KMT2C: variants seen among roughly 807,000 people sequenced by gnomAD.
The protein encoded by KMT2C is histone-lysine N-methyltransferase 2C.
In KMT2C, 88 loss-of-function variants were observed where a neutral mutation model predicts 507.9. The observed-to-expected ratio is 0.17, with a 90% CI of 0.15 to 0.21. The LOEUF (loss-of-function observed/expected upper bound fraction) is 0.21, where lower values mean the gene tolerates loss of function less well. Ranked by LOEUF, KMT2C falls within the 10% of genes least tolerant of loss-of-function variation. The probability of loss-of-function intolerance (pLI) is 1.00; values close to 1 mark genes in which losing one functional copy is unlikely to be tolerated. For synonymous variants in KMT2C, 2,049 were observed against 2,080.8 expected (o/e 0.98, Z 0.42); for missense variants, 4,954 against 5,957.8 (o/e 0.83, Z 5.55).
intron 23 of KMT2C, among the ~76,000 whole-genome samples, chr7:152,213,015 T>C (rs1187110981): frequency 6.6e-6 from 1 of 152,254 alleles, no homozygotes; most frequent in Non-Finnish European, 1.5e-5. Context: ...ACCACTGCAC[T>C]TCTGCCTGGG....
In KMT2C at chr7:152,149,021, AG is replaced by A; in HGVS notation, c.12905del (p.Pro4302LeufsTer24). 1 of 1,542,048 alleles carries A rather than the reference AG, an allele frequency of 6.5e-7. No individual in the cohort carries two copies. The highest frequency in any genetic ancestry group is 8.7e-7 in the Non-Finnish European group (1 of 1,148,826). Reference sequence around the variant, plus strand: ...GAGGGAAGGCGATGGGTGGTGAGGCAGGGGGAGAAGCTTTCTCTGGGAGCTG... The same window carrying A: ...GAGGGAAGGCGATGGGTGGTGAGGCAGGGGAGAAGCTTTCTCTGGGAGCTG... ...LPQLPEKASP[P>X]ASPPIAFPPA... is the part of the protein sequence containing the mutation. On this transcript the variant is annotated frameshift_variant, in exon 52 of 59. Transcript: ENST00000262189. LOFTEE classifies it high-confidence loss of function.
chr7:152,154,150 TAAAAAGAGAGA>T lies in KMT2C; in HGVS notation c.12140-15_12140-5del, dbSNP rs2091867550. On this transcript the variant is annotated splice_polypyrimidine_tract_variant and splice_region_variant and intron_variant, in intron 47 of 58. Transcript: ENST00000262189. ...TCATTCCTTCTTGATTCTGAACCTTTAAAAAGAGAGAAAAAAAAGAGGAAAATAGTGTTAAT... is the reference window on the plus strand; with the variant it reads ...TCATTCCTTCTTGATTCTGAACCTTTAAAAAAAGAGGAAAATAGTGTTAAT... 1 of 1,612,492 alleles carries T rather than the reference TAAAAAGAGAGA, an allele frequency of 6.2e-7. No homozygotes were observed. Among genetic ancestry groups the T allele is most frequent in the Non-Finnish European group, 8.5e-7 (1 of 1,179,636 alleles).
intron 2 of KMT2C, 115 bp from the exon 3 acceptor site, chr7:152,330,854 T>C: frequency 1.0e-6 from 1 of 964,672 alleles, no homozygotes; most frequent in South Asian, 1.6e-5. Context: ...CAAATAACAA[T>C]ATTTCACTAA....
intron 6 of KMT2C, among the ~76,000 whole-genome samples, chr7:152,292,462 A>AT (rs2129187231): frequency 6.6e-6 from 1 of 152,362 alleles, no homozygotes; most frequent in African/African-American, 2.4e-5. Context: ...GAAGTCATAT[A>AT]TAATGCCCAA....
intron 6 of KMT2C, among the ~76,000 whole-genome samples, chr7:152,306,957 G>T (rs2096620157): frequency 6.6e-6 from 1 of 152,150 alleles, no homozygotes; most frequent in Admixed American, 6.6e-5. Flanking sequence ...TCAGGAGATA[G>T]AGACTAGCCT....
At chr7:152,157,988 T>C (rs2092182937) in intron 44 of KMT2C, 2 of 1,167,310 alleles carry the variant, frequency 1.7e-6, no homozygotes, top group Non-Finnish European at 2.2e-6. Context: ...AGCTCAACTT[T>C]CTAAGACCCG....
At chr7:152,309,780 C>A (rs2096654313) in intron 6 of KMT2C, among the ~76,000 whole-genome samples, 186 bp downstream of exon 6, 1 of 152,036 alleles carries the variant, frequency 6.6e-6, no homozygotes, top group Admixed American at 6.6e-5. Flanking sequence ...CTCGGCCTCC[C>A]AAAGTGCTGG....
intron 6 of KMT2C, among the ~76,000 whole-genome samples, chr7:152,300,077 T>C (rs2096553330): frequency 6.6e-6 from 1 of 152,240 alleles, no homozygotes; most frequent in Non-Finnish European, 1.5e-5. Context: ...AGAACACTTA[T>C]CACAGCCTGT....
At chr7:152,179,079 C>T (rs1433581800) in intron 37 of KMT2C, among the ~76,000 whole-genome samples, 1 of 152,220 alleles carries the variant, frequency 6.6e-6, no homozygotes, top group East Asian at 1.9e-4. Flanking sequence ...CAACCTCCAC[C>T]TCCTGGGTTC....
At chr7:152,346,207 T>C (rs1039630844) in intron 2 of KMT2C, among the ~76,000 whole-genome samples, 1 of 152,190 alleles carries the variant, frequency 6.6e-6, no homozygotes, top group African/African-American at 2.4e-5. Context: ...AACAAAGACA[T>C]AGTTGAATCT....
In KMT2C at chr7:152,144,720, C is replaced by T. The variant is rs781506778; in HGVS notation, c.14336G>A (p.Arg4779Gln). 2.5e-6 allele frequency: 4 copies of T among 1,613,508 alleles called. No individual in the cohort carries two copies. Among genetic ancestry groups the T allele is most frequent in the Admixed American group, 1.7e-5 (1 of 59,990 alleles). Residue 4779 changes from arginine (R) to glutamine (Q), a missense_variant, in exon 55 of 59, where the codon CGG becomes CAG. By Grantham distance (43) the Arg-to-Gln change is conservative. This residue lies in a region of KMT2C where 133 missense variants were observed against 258.9 expected (regional missense o/e 0.51). Coordinates refer to ENST00000262189, the MANE Select transcript of KMT2C (RefSeq NM_170606.3). This position sits in a 1 kb window ranked among gnomAD's most constrained non-coding sequence, Gnocchi z 4.4. The stretch of plus-strand genomic sequence containing the variant: ...CACAAAGTATTTCTTCACCTGAATC[C>T]GAGACCGTGCCAGATACACATTGGA... Reference protein sequence around the residue: ...WKSNVYLARSRIQGLGLYAAR... With the variant: ...WKSNVYLARSQIQGLGLYAAR...
chr7:152,375,363 G>A (rs2097320761), intron 1 of KMT2C, among the ~76,000 whole-genome samples: 1 of 151,348 alleles, frequency 6.6e-6, no homozygotes, highest in South Asian at 2.1e-4. Context: ...AAATAGCAAA[G>A]GCTTTTGTCA....
At chr7:152,283,198 T>C (rs2096248338) in intron 6 of KMT2C, among the ~76,000 whole-genome samples, 1 of 152,300 alleles carries the variant, frequency 6.6e-6, no homozygotes, top group South Asian at 2.1e-4. Context: ...AAGCTCATAA[T>C]GTATACAATG....
At position 152,154,313 on chromosome 7, in the gene KMT2C, C is replaced by T. The variant is rs149293494; in HGVS notation, c.12093G>A (p.Pro4031=). ...LSLVKEEPPE[P]VPSPIIPILP... Reference sequence around the variant, plus strand: ...GAATTGGAATGATGGGGGACGGCACCGGTTCTGGAGGCTCCTCCTTGACCA... The same window carrying T: ...GAATTGGAATGATGGGGGACGGCACTGGTTCTGGAGGCTCCTCCTTGACCA... The change falls in exon 47 of 59, where the codon CCG becomes CCA. Residue 4031 remains proline (P), a synonymous_variant. Coordinates refer to ENST00000262189, the MANE Select transcript of KMT2C (RefSeq NM_170606.3). 114 of 1,614,176 alleles carry T rather than the reference C, an allele frequency of 7.1e-5. No homozygotes were observed. The African/African-American group carries it at 1.1e-3, about 15-fold the overall frequency.
intron 3 of KMT2C, among the ~76,000 whole-genome samples, chr7:152,327,927 C>T (rs1264808876): frequency 7.1e-6 from 1 of 140,402 alleles, no homozygotes; most frequent in Non-Finnish European, 1.5e-5. Context: ...CACTGCATTC[C>T]AGCCTGGGCA....
At chr7:152,359,354 G>A (rs1218223728) in intron 1 of KMT2C, among the ~76,000 whole-genome samples, 2 of 149,094 alleles carry the variant, frequency 1.3e-5, no homozygotes, top group African/African-American at 2.5e-5. Context: ...ATAGAAATGA[G>A]TAAAAGAAAA....
chr7:152,181,615 A>T lies in KMT2C; in HGVS notation c.6245T>A (p.Ile2082Lys). The change falls in exon 36 of 59, where the codon ATA becomes AAA. Residue 2082 changes from isoleucine to lysine, a missense_variant. Transcript: ENST00000262189. Reference protein sequence around the residue: ...YERPALTPRPIDNFSHNQSND... With the variant: ...YERPALTPRPKDNFSHNQSND... ...TGACTGATTATGAGAAAAATTATCT[A>T]TAGGTCTTGGTGTCAAAGCAGGCCT... is the stretch of plus-strand genomic sequence containing the variant. 6.2e-7 allele frequency: 1 copy of T among 1,614,066 alleles called. No individual in the cohort carries two copies. Among genetic ancestry groups the T allele is most frequent in the Non-Finnish European group, 8.5e-7 (1 of 1,180,004 alleles).
intron 34 of KMT2C, among the ~76,000 whole-genome samples, chr7:152,183,396 G>C (rs892413267): frequency 1.3e-5 from 2 of 152,098 alleles, no homozygotes; most frequent in African/African-American, 4.8e-5. Context: ...AAAGATCCTA[G>C]GTGTGATTTA....
At chr7:152,161,081 ACTC>A (rs913501840) in intron 43 of KMT2C, among the ~76,000 whole-genome samples, 27 of 152,174 alleles carry the variant, frequency 1.8e-4, no homozygotes, top group Non-Finnish European at 1.9e-4. Flanking sequence ...GTTATTCAGT[ACTC>A]CTCAGGGTAT....
Sources: allele counts gnomAD v4.1 joint callset (sites outside exome capture counted in the v4.1 genomes callset), GRCh38; gene constraint gnomAD v4.1.1; regional missense constraint gnomAD v4.1.1; non-coding constraint Gnocchi (gnomAD v3.1); transcripts MANE v1.5; gene names NCBI Gene and HGNC (gene_info 2026-07-23, HGNC 2026-07-21).